Variants in DESI2 observed in about 807,000 individuals in gnomAD.
DESI2 encodes the protein deubiquitinase DESI2.
DESI2 carries 10 observed loss-of-function variants against 24.1 expected under a neutral mutation model. That is an observed-to-expected ratio of 0.41 (90% CI 0.26 to 0.70). The LOEUF is 0.70. Among genes scored for constraint, DESI2 ranks in the 30% least tolerant of loss-of-function variants. DESI2 has a pLI of 0.29. For synonymous variants in DESI2, 71 were observed against 87.7 expected (o/e 0.81, Z 1.06); for missense variants, 122 against 234.9 (o/e 0.52, Z 3.14).
Position 244,672,720 on chromosome 1 carries a change from T to C in DESI2, c.43-13877T>C, listed in dbSNP as rs112878612. 6.3e-3 allele frequency among the ~76,000 whole-genome samples: 963 copies of C among 151,678 alleles called. 9 individuals carry two copies. The highest frequency in any genetic ancestry group is 0.022 in the African/African-American group (893 of 41,338). On this transcript the variant is annotated intron_variant, in intron 1 of 4. Coordinates refer to ENST00000302550, the MANE Select transcript of DESI2 (RefSeq NM_016076.5). ...GGTGAAACCCCATCTCTACTGAAAA[T>C]ACAAAAATTAGCCAGGCATGGTGGC... is the stretch of plus-strand genomic sequence containing the variant.
intron 4 of DESI2, among the ~76,000 whole-genome samples, chr1:244,694,207 A>G (rs559896596): frequency 5.3e-5 from 8 of 152,368 alleles, no homozygotes; most frequent in African/African-American, 9.6e-5. Context: ...AGCAGGGATT[A>G]GCAAACTACT....
At position 244,706,126 on chromosome 1, in the gene DESI2, A is replaced by C; in HGVS notation, c.*337A>C. 4.5e-6 allele frequency: 1 copy of C among 222,710 alleles called. No homozygotes were observed. The highest frequency in any genetic ancestry group is 7.6e-5 in the South Asian group (1 of 13,124). 13.8% of individuals were successfully genotyped at this position (222,710 alleles called of 1,614,324 possible). ...GACTCCTGCCACAGTGAAAGAAGAA[A>C]ATCTTCATGTCTTCAAAAATTAGGC... On this transcript the variant is annotated 3_prime_UTR_variant, in exon 5 of 5. Transcript: ENST00000302550.
chr1:244,684,138 TCTTATG>T (rs1372171157), intron 1 of DESI2, among the ~76,000 whole-genome samples: 1 of 152,212 alleles, frequency 6.6e-6, no homozygotes, highest in Non-Finnish European at 1.5e-5. Context: ...CAGTTAATAG[TCTTATG>T]CTTATGGTTT....
chr1:244,703,860 G>A (rs539789573), intron 4 of DESI2, among the ~76,000 whole-genome samples: 3 of 152,092 alleles, frequency 2.0e-5, no homozygotes, highest in South Asian at 2.1e-4. Context: ...GGGTTTCACT[G>A]TGTTAGCCAG....
chr1:244,653,568 G>C, intron 1 of DESI2: 3 of 543,652 alleles, frequency 5.5e-6, no homozygotes, highest in Non-Finnish European at 9.4e-6. Flanking sequence ...CGAGGGTTTT[G>C]GCCAAAGCTC....
intron 1 of DESI2, among the ~76,000 whole-genome samples, chr1:244,672,355 C>G (rs1676275881): frequency 6.6e-6 from 1 of 152,118 alleles, no homozygotes; most frequent in Non-Finnish European, 1.5e-5. Flanking sequence ...GCTGCTCTCG[C>G]CATGTGACGT....
At chr1:244,701,212 T>TCCCCCCCCC (rs1677442100) in intron 4 of DESI2, among the ~76,000 whole-genome samples, 2 of 57,718 alleles carry the variant, frequency 3.5e-5, no homozygotes, top group African/African-American at 2.4e-4. Context: ...CACCTTCCCC[T>TCCCCCCCCC]CCACCCCCCC....
chr1:244,673,456 CT>C (rs1676314212), intron 1 of DESI2, among the ~76,000 whole-genome samples: 1 of 152,216 alleles, frequency 6.6e-6, no homozygotes. Context: ...TTTTCTTCTG[CT>C]CTTGATATAT....
At chr1:244,700,298 A>G (rs1677396908) in intron 4 of DESI2, among the ~76,000 whole-genome samples, 1 of 152,152 alleles carries the variant, frequency 6.6e-6, no homozygotes, top group African/African-American at 2.4e-5. Context: ...TCTCCCCACA[A>G]AATAGTTTTT....
intron 1 of DESI2, among the ~76,000 whole-genome samples, chr1:244,655,666 A>T (rs1675621618): frequency 6.6e-6 from 1 of 152,248 alleles, no homozygotes; most frequent in African/African-American, 2.4e-5. Context: ...ATGTAGTTGT[A>T]GGATCAGGGA....
rs556996884 is a variant in DESI2 at position 244,685,143 on chromosome 1, T to C, written c.43-1454T>C. Among the ~76,000 whole-genome samples, 102 of 152,306 alleles carry C rather than the reference T, an allele frequency of 6.7e-4. 1 individual carries two copies. The highest frequency in any genetic ancestry group is 2.3e-3 in the African/African-American group (96 of 41,580). On this transcript the variant is annotated intron_variant, in intron 1 of 4. Transcript: ENST00000302550. ...TTTATCTTGTTTTTATGTAGTTTTA[T>C]AAAATAAAAAGTTGTACATTTTTAT...
intron 4 of DESI2, among the ~76,000 whole-genome samples, chr1:244,704,417 C>T (rs1677609362): frequency 6.6e-6 from 1 of 152,112 alleles, no homozygotes; most frequent in South Asian, 2.1e-4. Flanking sequence ...ACAGAATAGA[C>T]CCAGTTCTTA....
intron 1 of DESI2, among the ~76,000 whole-genome samples, chr1:244,672,128 G>A (rs1676268297): frequency 6.6e-6 from 1 of 152,114 alleles, no homozygotes; most frequent in Admixed American, 6.5e-5. Flanking sequence ...GAGGCCAGGA[G>A]TTTGAGATCA....
In DESI2 at chr1:244,706,020, G is replaced by A; in HGVS notation, c.*231G>A. The A allele has an allele frequency of 2.0e-6, 1 of 510,064 alleles. No individual in the cohort carries two copies. The highest frequency in any genetic ancestry group is 3.5e-6 in the Non-Finnish European group (1 of 284,922). 31.6% of individuals were successfully genotyped at this position (510,064 alleles called of 1,614,324 possible). ...GTTTTTTTTATCCACTCGTAAATCT[G>A]GATTTATTTCTTCTGTTTTATACAA... is the stretch of plus-strand genomic sequence containing the variant. On this transcript the variant is annotated 3_prime_UTR_variant, in exon 5 of 5. Coordinates refer to ENST00000302550, the MANE Select transcript of DESI2 (RefSeq NM_016076.5).
At chr1:244,700,974 T>C (rs889423021) in intron 4 of DESI2, among the ~76,000 whole-genome samples, 1 of 152,210 alleles carries the variant, frequency 6.6e-6, no homozygotes, top group African/African-American at 2.4e-5. Context: ...GGTTATGATA[T>C]TTAGCTGAGG....
intron 4 of DESI2, among the ~76,000 whole-genome samples, chr1:244,696,511 T>G (rs1231120290): frequency 6.6e-6 from 1 of 152,154 alleles, no homozygotes; most frequent in Admixed American, 6.5e-5. Flanking sequence ...TCCCAGCTGC[T>G]TGGGAGGCTG....
rs181117430 is a variant in DESI2 at position 244,701,451 on chromosome 1, G to A, written c.352-4105G>A. 2.6e-5 allele frequency among the ~76,000 whole-genome samples: 4 copies of A among 152,276 alleles called. No homozygotes were observed. In the East Asian group the frequency reaches 7.7e-4, roughly 29 times the overall value. On this transcript the variant is annotated intron_variant, in intron 4 of 4. Transcript: ENST00000302550. ...GCCAGCTTGGACTGAAAGAGACAGA[G>A]AGGGGACAAAATTAAAGAAGATGCT... is the stretch of plus-strand genomic sequence containing the variant.
chr1:244,658,860 CAAAACTT>C (rs1295816506), intron 1 of DESI2, among the ~76,000 whole-genome samples: 70 of 152,076 alleles, frequency 4.6e-4, no homozygotes, highest in Non-Finnish European at 8.8e-5. Flanking sequence ...TTTTCTTTGA[CAAAACTT>C]AAAATACTAT....
intron 1 of DESI2, among the ~76,000 whole-genome samples, chr1:244,668,904 T>C (rs1304362037): frequency 2.0e-5 from 3 of 152,248 alleles, no homozygotes; most frequent in Non-Finnish European, 4.4e-5. Context: ...TTTGTAGTTA[T>C]TGCCTTCCCC....
Sources: allele counts gnomAD v4.1 joint callset (sites outside exome capture counted in the v4.1 genomes callset), GRCh38; gene constraint gnomAD v4.1.1; transcripts MANE v1.5; gene names NCBI Gene and HGNC (gene_info 2026-07-23, HGNC 2026-07-21).